The following RET variants were observed in gnomAD, a reference collection of about 807,000 sequenced individuals.
The protein encoded by RET is proto-oncogene tyrosine-protein kinase receptor Ret.
In RET, 19 loss-of-function variants were observed where a neutral mutation model predicts 118.3. The ratio of observed to expected loss-of-function variants is 0.16; its 90% CI spans 0.11 to 0.24. The LOEUF is 0.24. Ranked by LOEUF, RET falls within the 10% of genes least tolerant of loss-of-function variation. The pLI is 1.00. For missense variants in RET, 1,219 were observed against 1,502.1 expected, an observed-to-expected ratio of 0.81 and a Z score of 3.12; for synonymous variants, 597 against 644.1, an observed-to-expected ratio of 0.93 and a Z score of 1.11.
At chr10:43,119,841 C>G in intron 14 of RET, 96 bp downstream of exon 14, 1 of 1,370,998 alleles carries the variant, frequency 7.3e-7, no homozygotes, top group South Asian at 1.2e-5. Flanking sequence ...GCCACTCCCC[C>G]ACCATGCCAC....
chr10:43,114,883 G>A lies in RET; in HGVS notation c.2136+147G>A, dbSNP rs2132858925. Reference sequence around the variant, plus strand: ...CCTGTGTTCTGCCCCCATTTCCATAGGGCGCTGTGTGGGGACAGTCTGTGG... The same window carrying A: ...CCTGTGTTCTGCCCCCATTTCCATAAGGCGCTGTGTGGGGACAGTCTGTGG... On this transcript the variant is annotated intron_variant, in intron 11 of 19. Coordinates refer to ENST00000355710, the MANE Select transcript of RET (RefSeq NM_020975.6). The surrounding 1 kb of genome is among the most constrained non-coding windows in gnomAD (Gnocchi z 4.6). The A allele has an allele frequency of 1.1e-6, 1 of 877,270 alleles. No homozygotes were observed. The highest frequency in any genetic ancestry group is 1.7e-6 in the Non-Finnish European group (1 of 586,442). The allele number at this position is 877,270 out of a possible 1,614,324, so 54.3% of individuals were successfully genotyped here. A position where few individuals can be genotyped will look rare whatever the true frequency, so the allele number is the denominator to read the frequency against.
Position 43,077,287 on chromosome 10 carries a change from G to GGCTGCGTCTGCTGTTGCTGCT in RET, c.35_55dup (p.Arg12_Leu18dup), listed in dbSNP as rs1467944441. On this transcript the variant is annotated inframe_insertion, in exon 1 of 20. Transcript: ENST00000355710. Reference sequence around the variant, plus strand: ...GCGAAGGCGACGTCCGGTGCCGCGGGGCTGCGTCTGCTGTTGCTGCTGCTG... The same window carrying GGCTGCGTCTGCTGTTGCTGCT: ...GCGAAGGCGACGTCCGGTGCCGCGGGGCTGCGTCTGCTGTTGCTGCTGCTGCGTCTGCTGTTGCTGCTGCTG... The GGCTGCGTCTGCTGTTGCTGCT allele has an allele frequency of 3.3e-6, 5 of 1,509,480 alleles. No homozygotes were observed. Among genetic ancestry groups the GGCTGCGTCTGCTGTTGCTGCT allele is most frequent in the Middle Eastern group, 1.9e-4 (1 of 5,380 alleles). 93.5% of individuals were successfully genotyped at this position (1,509,480 alleles called of 1,614,324 possible). A position where few individuals can be genotyped will look rare whatever the true frequency, so the allele number is the denominator to read the frequency against.
intron 19 of RET, chr10:43,127,302 G>A (rs967531398): frequency 9.3e-7 from 1 of 1,071,464 alleles, no homozygotes; most frequent in Non-Finnish European, 1.1e-6. Context: ...GGCTGGCCCT[G>A]GGAGGACGCA....
At chr10:43,118,559 C>G (rs1838129262) in intron 13 of RET, 79 bp downstream of exon 13, 4 of 1,034,016 alleles carry the variant, frequency 3.9e-6, no homozygotes, top group Non-Finnish European at 6.0e-6. Context: ...CTCCCTCTTT[C>G]TCCCTTTCCC....
intron 1 of RET, among the ~76,000 whole-genome samples, chr10:43,099,221 AT>A (rs1338770401): frequency 1.3e-5 from 2 of 152,094 alleles, no homozygotes; most frequent in Admixed American, 1.3e-4. Context: ...TAAAAATTAC[AT>A]AGATAGGCCG....
intron 1 of RET, among the ~76,000 whole-genome samples, chr10:43,088,179 G>T (rs1478903099): frequency 6.6e-6 from 1 of 151,968 alleles, no homozygotes; most frequent in East Asian, 1.9e-4. Context: ...AGGCAACGGT[G>T]ATGGTGGTGG....
At chr10:43,123,083 G>A (rs548140836) in intron 16 of RET, among the ~76,000 whole-genome samples, 2 of 152,172 alleles carry the variant, frequency 1.3e-5, no homozygotes, top group Admixed American at 1.3e-4. Context: ...GGTGTGCTCC[G>A]TGGTGTGCAC....
At chr10:43,120,805 C>T (rs1838198655) in intron 15 of RET, among the ~76,000 whole-genome samples, 1 of 152,176 alleles carries the variant, frequency 6.6e-6, no homozygotes, top group African/African-American at 2.4e-5. Context: ...TGCCTTGGCC[C>T]TCTTAGTTTT....
At position 43,111,187 on chromosome 10, in the gene RET, G is replaced by A. The variant is rs1244526845; in HGVS notation, c.1264-20G>A. ...GCCGGTCCAGCTGCCTGGCTAAGGTGTTCCCCTGTGCCCCCCTAGATCGGG... is the reference window on the plus strand; with the variant it reads ...GCCGGTCCAGCTGCCTGGCTAAGGTATTCCCCTGTGCCCCCCTAGATCGGG... On this transcript the variant is annotated intron_variant, in intron 6 of 19. Coordinates refer to ENST00000355710, the MANE Select transcript of RET (RefSeq NM_020975.6). The A allele has an allele frequency of 6.2e-7, 1 of 1,613,098 alleles. No homozygotes were observed. Among genetic ancestry groups the A allele is most frequent in the African/African-American group, 1.3e-5 (1 of 74,932 alleles).
intron 5 of RET, among the ~76,000 whole-genome samples, chr10:43,108,508 A>T (rs1375101482): frequency 2.6e-5 from 4 of 152,178 alleles, no homozygotes. Flanking sequence ...AAGAGGGCCT[A>T]ATAAGGCAAG....
At chr10:43,117,077 C>A (rs545659814) in intron 12 of RET, among the ~76,000 whole-genome samples, 1 of 152,390 alleles carries the variant, frequency 6.6e-6, no homozygotes, top group South Asian at 2.1e-4. Context: ...GAAGAGACCA[C>A]CAGTAAGGAC....
chr10:43,114,464 C>G lies in RET; in HGVS notation c.1880-16C>G, dbSNP rs370491323. 1 of 1,605,074 alleles carries G rather than the reference C, an allele frequency of 6.2e-7. No homozygotes were observed. Among genetic ancestry groups the G allele is most frequent in the Non-Finnish European group, 8.5e-7 (1 of 1,179,958 alleles). On this transcript the variant is annotated splice_polypyrimidine_tract_variant and intron_variant, in intron 10 of 19. Transcript: ENST00000355710. This position sits in a 1 kb window ranked among gnomAD's most constrained non-coding sequence, Gnocchi z 4.6. ...GCCTCTGGCGGTGCCAAGCCTCACA[C>G]CACCCCCACCCACAGATCCACTGTG...
chr10:43,115,951 C>T (rs1350048602), intron 11 of RET, among the ~76,000 whole-genome samples: 4 of 152,202 alleles, frequency 2.6e-5, no homozygotes, highest in Non-Finnish European at 5.9e-5. Context: ...ATGCCCAGAG[C>T]TGGCACATCA....
intron 6 of RET, among the ~76,000 whole-genome samples, 163 bp from the exon 7 acceptor site, chr10:43,111,044 A>G (rs1837905266): frequency 6.6e-6 from 1 of 151,950 alleles, no homozygotes; most frequent in Admixed American, 6.5e-5. Context: ...GTGGGTGGGT[A>G]TGAAGGCTCT....
chr10:43,083,393 G>A (rs546357842), intron 1 of RET, among the ~76,000 whole-genome samples: 5 of 152,342 alleles, frequency 3.3e-5, no homozygotes, highest in Admixed American at 6.5e-5. Flanking sequence ...GGGGCTTAAC[G>A]CCATCTACTA....
intron 11 of RET, among the ~76,000 whole-genome samples, chr10:43,115,884 C>T (rs1838060250): frequency 6.6e-6 from 1 of 152,184 alleles, no homozygotes; most frequent in Admixed American, 6.5e-5. Flanking sequence ...CTGTGGGTTC[C>T]CAGGGAATGT....
chr10:43,095,628 C>T (rs1186071538), intron 1 of RET, among the ~76,000 whole-genome samples: 2 of 152,238 alleles, frequency 1.3e-5, no homozygotes, highest in Non-Finnish European at 2.9e-5. Flanking sequence ...TTCACTCTGT[C>T]AAACACTAGG....
intron 5 of RET, among the ~76,000 whole-genome samples, chr10:43,107,851 C>G (rs1347601842): frequency 1.3e-5 from 2 of 152,062 alleles, no homozygotes; most frequent in Admixed American, 1.3e-4. Flanking sequence ...TATCTTAAAA[C>G]AGGGGCTTAC....
chr10:43,103,199 C>T (rs2472740), intron 3 of RET, among the ~76,000 whole-genome samples: 57,741 of 151,814 alleles, frequency 0.38, 11,302 homozygotes, highest in South Asian at 0.51. Flanking sequence ...GGGCTTTCTC[C>T]GGAGGAACAT....
Sources: allele counts gnomAD v4.1 joint callset (sites outside exome capture counted in the v4.1 genomes callset), GRCh38; gene constraint gnomAD v4.1.1; non-coding constraint Gnocchi (gnomAD v3.1); transcripts MANE v1.5; gene names NCBI Gene and HGNC (gene_info 2026-07-23, HGNC 2026-07-21).